MBP: variants seen among roughly 807,000 people sequenced by gnomAD.
MBP encodes the protein Golli-MBP.
A neutral mutation model predicts 35.8 loss-of-function variants in MBP; 16 were observed. The ratio of observed to expected loss-of-function variants is 0.45; its 90% CI spans 0.30 to 0.68. MBP has a LOEUF of 0.68. Among genes scored for constraint, MBP ranks in the 30% least tolerant of loss-of-function variants. The pLI is 0.08. For synonymous variants in MBP, 143 were observed against 159.6 expected (o/e 0.90, Z 0.78); for missense variants, 380 against 404.7 (o/e 0.94, Z 0.52).
intron 3 of MBP, among the ~76,000 whole-genome samples, chr18:77,023,676 A>C (rs1402757944): frequency 3.9e-5 from 6 of 152,144 alleles, no homozygotes; most frequent in Non-Finnish European, 8.8e-5. Flanking sequence ...CCGTGGCGCC[A>C]TGTGCAATGC....
In MBP at chr18:76,980,335, G is replaced by A; in HGVS notation, c.*92C>T. The A allele has an allele frequency of 8.4e-7, 1 of 1,194,668 alleles. No individual in the cohort carries two copies. The allele number at this position is 1,194,668 out of a possible 1,614,324, so 74.0% of individuals were successfully genotyped here. On this transcript the variant is annotated 3_prime_UTR_variant, in exon 9 of 9. Coordinates refer to ENST00000355994, the MANE Select transcript of MBP (RefSeq NM_001025101.2). ...GCAGGCATTAGGGGAGGGGTCATCTGCTCTAATTAGGTAACAGGGGCAAGT... is the reference window on the plus strand; with the variant it reads ...GCAGGCATTAGGGGAGGGGTCATCTACTCTAATTAGGTAACAGGGGCAAGT...
rs1296918918 is a variant in MBP at position 76,989,325 on chromosome 18, G to A, written c.682-413C>T. On this transcript the variant is annotated intron_variant, in intron 5 of 8. Transcript: ENST00000355994. This position sits in a 1 kb window ranked among gnomAD's most constrained non-coding sequence, Gnocchi z 4.0. ...GCTCCTAAGTGCACTTATCGAATAC[G>A]AGCATAAAATGTCTGCTGCACTGAG... Among the ~76,000 whole-genome samples the A allele has an allele frequency of 1.3e-5, 2 of 152,188 alleles. No individual in the cohort carries two copies. Among genetic ancestry groups the A allele is most frequent in the African/African-American group, 4.8e-5 (2 of 41,434 alleles).
intron 1 of MBP, among the ~76,000 whole-genome samples, chr18:77,130,055 A>AAC (rs1169174445): frequency 7.2e-5 from 11 of 151,752 alleles, no homozygotes; most frequent in Non-Finnish European, 4.4e-5. Context: ...TCAAAAAAAA[A>AAC]AAAAAGAAAA....
At chr18:77,009,547 G>A (rs71360987) in intron 4 of MBP, among the ~76,000 whole-genome samples, 35,767 of 152,220 alleles carry the variant, frequency 0.23, 4,738 homozygotes, top group Non-Finnish European at 0.31. Context: ...TCGGCAAAGT[G>A]AGGCAGACTC....
At chr18:77,073,551 G>A (rs1337152507) in intron 2 of MBP, among the ~76,000 whole-genome samples, 1 of 152,232 alleles carries the variant, frequency 6.6e-6, no homozygotes, top group South Asian at 2.1e-4. Context: ...TAGGAAACCT[G>A]AATCCTTTAG....
intron 2 of MBP, among the ~76,000 whole-genome samples, chr18:77,068,083 G>T (rs898357380): frequency 6.6e-6 from 1 of 152,046 alleles, no homozygotes; most frequent in East Asian, 1.9e-4. Context: ...AGACAGGAGG[G>T]GATGGGTGGG....
intron 3 of MBP, among the ~76,000 whole-genome samples, chr18:77,022,963 T>C (rs1042898046): frequency 2.6e-5 from 4 of 152,236 alleles, no homozygotes; most frequent in Non-Finnish European, 5.9e-5. Context: ...AGAGCATTAT[T>C]ACACAATTAG....
At position 77,104,458 on chromosome 18, in the gene MBP, G is replaced by A. The variant is rs116559828; in HGVS notation, c.51+753C>T. On this transcript the variant is annotated intron_variant, in intron 2 of 8. Coordinates refer to ENST00000355994, the MANE Select transcript of MBP (RefSeq NM_001025101.2). ...GGTTATCGATCTAGGAGAGGGCCAA[G>A]GAAACAGCTCAAGTATTTCCTGTCC... Among the ~76,000 whole-genome samples, 1,466 of 152,312 alleles carry A rather than the reference G, an allele frequency of 9.6e-3. 21 individuals carry two copies. Among genetic ancestry groups the A allele is most frequent in the African/African-American group, 0.033 (1,365 of 41,556 alleles).
intron 2 of MBP, among the ~76,000 whole-genome samples, chr18:77,072,962 G>A (rs1258568060): frequency 1.3e-5 from 2 of 152,200 alleles, no homozygotes; most frequent in Admixed American, 6.5e-5. Flanking sequence ...TGGCAGCAAC[G>A]TGTTCTTTCT....
intron 3 of MBP, among the ~76,000 whole-genome samples, chr18:77,062,718 T>G (rs1218495028): frequency 2.0e-5 from 3 of 152,208 alleles, no homozygotes; most frequent in Non-Finnish European, 2.9e-5. Context: ...TGTTTGTGGT[T>G]TTGAGCACTC....
Position 77,066,148 on chromosome 18 carries a change from C to G in MBP, c.139+150G>C, listed in dbSNP as rs572859355. 3 of 638,186 alleles carry G rather than the reference C, an allele frequency of 4.7e-6. No homozygotes were observed. In the East Asian group the frequency reaches 8.2e-5, roughly 17 times the overall value. 39.5% of individuals were successfully genotyped at this position (638,186 alleles called of 1,614,324 possible). On this transcript the variant is annotated intron_variant, in intron 3 of 8. Transcript: ENST00000355994. The stretch of plus-strand genomic sequence containing the variant: ...GAAGTGTGCGATTACAGACATGAAG[C>G]AATGATCCCAGCCTCTATGTTTTAG...
chr18:77,075,624 T>C (rs561324812), intron 2 of MBP, among the ~76,000 whole-genome samples: 8 of 152,274 alleles, frequency 5.3e-5, no homozygotes, highest in African/African-American at 1.9e-4. Context: ...AACATGATGA[T>C]GTTTTGCTTA....
intron 2 of MBP, chr18:77,095,673 C>T (rs1032537116): frequency 6.6e-6 from 1 of 152,330 alleles, no homozygotes; most frequent in Non-Finnish European, 1.5e-5. Context: ...AGTTGCACCT[C>T]TGCTGTTCTC....
At chr18:77,030,704 G>A (rs1467914156) in intron 3 of MBP, among the ~76,000 whole-genome samples, 1 of 152,244 alleles carries the variant, frequency 6.6e-6, no homozygotes, top group Non-Finnish European at 1.5e-5. Flanking sequence ...TTCACACAAT[G>A]GAAAAATGTT....
At chr18:77,074,987 AT>A (rs1974595304) in intron 2 of MBP, among the ~76,000 whole-genome samples, 1 of 152,222 alleles carries the variant, frequency 6.6e-6, no homozygotes, top group Non-Finnish European at 1.5e-5. Context: ...ACTATCTTGG[AT>A]TTAAAAAAAC....
At chr18:77,038,542 G>A (rs1972863557) in intron 3 of MBP, among the ~76,000 whole-genome samples, 1 of 152,180 alleles carries the variant, frequency 6.6e-6, no homozygotes, top group Non-Finnish European at 1.5e-5. Flanking sequence ...CTGGGTCCTG[G>A]GAATGACAGG....
intron 4 of MBP, among the ~76,000 whole-genome samples, chr18:76,997,364 C>T (rs557666466): frequency 1.3e-5 from 2 of 152,154 alleles, no homozygotes; most frequent in Non-Finnish European, 2.9e-5. Context: ...TGGCCTTCAG[C>T]GAGTCCCCTG....
At chr18:76,985,886 G>A (rs1414642061) in intron 7 of MBP, 2 of 987,420 alleles carry the variant, frequency 2.0e-6, no homozygotes, top group African/African-American at 3.5e-5. Context: ...GCCCTGCCCT[G>A]GCCTCATCAG....
chr18:76,981,304 A>G (rs1333977671), intron 8 of MBP: 1 of 152,172 alleles, frequency 6.6e-6, no homozygotes, highest in African/African-American at 2.4e-5. Context: ...GAAATGATCA[A>G]TTTTGGCGAA....
Sources: allele counts gnomAD v4.1 joint callset (sites outside exome capture counted in the v4.1 genomes callset), GRCh38; gene constraint gnomAD v4.1.1; non-coding constraint Gnocchi (gnomAD v3.1); transcripts MANE v1.5; gene names NCBI Gene and HGNC (gene_info 2026-07-23, HGNC 2026-07-21).